The following PRP4K variants were observed in gnomAD, a reference collection of about 807,000 sequenced individuals.
PRP4K encodes pre-mRNA processing factor kinase PRP4K.
At chr6:4,062,648 A>G in the PRP4K span, 1 of 152,628 alleles carries the variant, frequency 6.6e-6, no homozygotes, top group Non-Finnish European at 1.5e-5. This position sits in a 1 kb window ranked among gnomAD's most constrained non-coding sequence, Gnocchi z 4.2. Context: ...GTTTTGCTCC[A>G]TTTAAAGACA....
the PRP4K span, among the ~76,000 whole-genome samples, chr6:4,022,304 G>GAAAA: frequency 1.5e-5 from 2 of 137,378 alleles, no homozygotes; most frequent in African/African-American, 5.3e-5. Flanking sequence ...AATGAAAAAT[G>GAAAA]AAAAAAAAAA....
the PRP4K span, among the ~76,000 whole-genome samples, chr6:4,024,432 A>G: frequency 6.6e-6 from 1 of 152,222 alleles, no homozygotes; most frequent in Non-Finnish European, 1.5e-5. Flanking sequence ...CCACTAAAAA[A>G]AAATTTAAAG....
the PRP4K span, chr6:4,058,822 T>G: frequency 6.3e-7 from 1 of 1,582,860 alleles, no homozygotes; most frequent in East Asian, 2.2e-5. Context: ...AGGGTAAGTG[T>G]TTTAAATGCA....
At chr6:4,024,846 G>T in the PRP4K span, among the ~76,000 whole-genome samples, 270 of 152,170 alleles carry the variant, frequency 1.8e-3, 1 homozygote, top group Admixed American at 3.5e-3. Flanking sequence ...CAGGTGATCC[G>T]CCAGTCTCAG....
chr6:4,032,705 C>G, the PRP4K span: 1 of 1,593,436 alleles, frequency 6.3e-7, no homozygotes, highest in Non-Finnish European at 8.5e-7. Context: ...AGAGCCGATC[C>G]TTAGAAAGAA....
the PRP4K span, among the ~76,000 whole-genome samples, chr6:4,051,526 A>C: frequency 1.3e-5 from 2 of 152,076 alleles, no homozygotes; most frequent in South Asian, 4.1e-4. Context: ...TATGTTGACC[A>C]GGCTGGTCTT....
the PRP4K span, among the ~76,000 whole-genome samples, chr6:4,034,543 C>A: frequency 6.6e-6 from 1 of 152,046 alleles, no homozygotes; most frequent in Non-Finnish European, 1.5e-5. Flanking sequence ...TGCCCCTTTT[C>A]CTGAAACTGT....
the PRP4K span, chr6:4,056,831 T>G: frequency 7.2e-6 from 8 of 1,111,952 alleles, no homozygotes; most frequent in South Asian, 1.6e-5. Context: ...GTTCCTCCCC[T>G]ACACCTCCAT....
At chr6:4,042,057 A>G in the PRP4K span, among the ~76,000 whole-genome samples, 24 of 152,328 alleles carry the variant, frequency 1.6e-4, no homozygotes, top group Admixed American at 7.8e-4. Context: ...TTGCATGTGC[A>G]TTTTTGATAG....
the PRP4K span, chr6:4,060,857 C>G: frequency 2.0e-6 from 1 of 501,404 alleles, no homozygotes; most frequent in Non-Finnish European, 3.6e-6. This position sits in a 1 kb window ranked among gnomAD's most constrained non-coding sequence, Gnocchi z 4.7. Flanking sequence ...AATTACAGTG[C>G]TAATGTATAT....
the PRP4K span, chr6:4,062,153 T>C: frequency 6.6e-6 from 1 of 152,648 alleles, no homozygotes; most frequent in Non-Finnish European, 1.5e-5. This position sits in a 1 kb window ranked among gnomAD's most constrained non-coding sequence, Gnocchi z 4.2. Flanking sequence ...TGGGGTATAA[T>C]TCAGGATTTA....
the PRP4K span, among the ~76,000 whole-genome samples, chr6:4,055,999 A>C: frequency 1.3e-5 from 2 of 152,316 alleles, no homozygotes; most frequent in East Asian, 3.9e-4. Context: ...GGGTCTTTTT[A>C]GAAGATGCTT....
the PRP4K span, among the ~76,000 whole-genome samples, chr6:4,054,385 AATT>A: frequency 6.6e-6 from 1 of 152,122 alleles, no homozygotes; most frequent in Non-Finnish European, 1.5e-5. Flanking sequence ...GTTTGGTCTG[AATT>A]ATTATTGTAT....
the PRP4K span, among the ~76,000 whole-genome samples, chr6:4,025,425 A>T: frequency 6.6e-6 from 1 of 152,204 alleles, no homozygotes; most frequent in South Asian, 2.1e-4. Flanking sequence ...GTCAGACTTT[A>T]GTTGTGATTT....
chr6:4,049,987 G>T, the PRP4K span: 1 of 1,220,058 alleles, frequency 8.2e-7, no homozygotes, highest in East Asian at 2.9e-5. Flanking sequence ...TGTAAAACAA[G>T]TATTGCAATT....
the PRP4K span, among the ~76,000 whole-genome samples, chr6:4,026,657 A>G: frequency 2.6e-5 from 4 of 152,338 alleles, 1 homozygote; most frequent in South Asian, 2.1e-4. Context: ...AGCACCTGCT[A>G]TAGATTAGAT....
the PRP4K span, among the ~76,000 whole-genome samples, chr6:4,036,338 G>A: frequency 3.3e-5 from 5 of 152,022 alleles, no homozygotes; most frequent in African/African-American, 1.2e-4. Flanking sequence ...CCTCCCACTT[G>A]AGCCTCCCTA....
At chr6:4,062,971 T>A in the PRP4K span, 3 of 152,610 alleles carry the variant, frequency 2.0e-5, no homozygotes, top group Non-Finnish European at 2.9e-5. The surrounding 1 kb of genome is among the most constrained non-coding windows in gnomAD (Gnocchi z 4.2). Flanking sequence ...TTTATGTAAT[T>A]TTTTAAGTAA....
chr6:4,036,038 A>G, the PRP4K span, among the ~76,000 whole-genome samples: 69 of 152,262 alleles, frequency 4.5e-4, no homozygotes, highest in African/African-American at 1.4e-3. Flanking sequence ...CCTATTTACA[A>G]TCTGACTGTT....
Sources: allele counts gnomAD v4.1 joint callset (sites outside exome capture counted in the v4.1 genomes callset), GRCh38; gene constraint gnomAD v4.1.1; non-coding constraint Gnocchi (gnomAD v3.1); transcripts MANE v1.5; gene names NCBI Gene and HGNC (gene_info 2026-07-23, HGNC 2026-07-21).